CSMD1: variants seen among roughly 807,000 people sequenced by gnomAD.
CSMD1 encodes CUB and sushi domain-containing protein 1.
In CSMD1, 213 loss-of-function variants were observed where a neutral mutation model predicts 417.5. That is an observed-to-expected ratio of 0.51 (90% CI 0.46 to 0.57). The LOEUF (loss-of-function observed/expected upper bound fraction) is 0.57, where lower values mean the gene tolerates loss of function less well. Ranked by LOEUF, CSMD1 falls within the 20% of genes least tolerant of loss-of-function variation. CSMD1 has a pLI of 0.00. For synonymous variants in CSMD1, 2,862 were observed against 1,736.8 expected, an observed-to-expected ratio of 1.65 and a Z score of -16.11; for missense variants, 6,923 against 4,529.7, an observed-to-expected ratio of 1.53 and a Z score of -15.17.
chr8:4,885,797 G>C (rs937936703), intron 1 of CSMD1, among the ~76,000 whole-genome samples: 4 of 151,654 alleles, frequency 2.6e-5, no homozygotes, highest in Admixed American at 6.6e-5. Flanking sequence ...GCAAAGTTTT[G>C]AGTTCTGAGG....
chr8:3,657,777 T>G (rs990783725), intron 7 of CSMD1, among the ~76,000 whole-genome samples: 6 of 152,228 alleles, frequency 3.9e-5, no homozygotes, highest in Non-Finnish European at 7.4e-5. Flanking sequence ...CAAACCACCA[T>G]GGCACGTGTA....
intron 26 of CSMD1, among the ~76,000 whole-genome samples, chr8:3,275,631 T>C (rs1563214354): frequency 1.3e-5 from 2 of 152,184 alleles, no homozygotes; most frequent in Non-Finnish European, 2.9e-5. Context: ...CTCGTTTCTT[T>C]TTATTCTTTT....
intron 1 of CSMD1, among the ~76,000 whole-genome samples, chr8:4,823,863 G>C (rs1799657764): frequency 1.3e-5 from 2 of 152,004 alleles, no homozygotes; most frequent in East Asian, 1.9e-4. Flanking sequence ...GAGAATAAAA[G>C]GAAGGCTTAA....
intron 23 of CSMD1, among the ~76,000 whole-genome samples, chr8:3,316,515 G>A (rs949361474): frequency 7.7e-6 from 1 of 130,198 alleles, no homozygotes; most frequent in Admixed American, 8.1e-5. Context: ...GGTAGCTGGA[G>A]GGGTTCAGTG....
At chr8:3,529,900 G>A (rs904643015) in intron 10 of CSMD1, among the ~76,000 whole-genome samples, 1 of 152,184 alleles carries the variant, frequency 6.6e-6, no homozygotes, top group Non-Finnish European at 1.5e-5. Flanking sequence ...CTTATGGAAA[G>A]CCGAGGCCTT....
intron 2 of CSMD1, among the ~76,000 whole-genome samples, chr8:4,559,605 A>G (rs552918375): frequency 2.0e-5 from 3 of 152,334 alleles, no homozygotes; most frequent in Admixed American, 2.0e-4. Flanking sequence ...AATGTTGTAT[A>G]AAATTATAAC....
At position 4,167,897 on chromosome 8, in the gene CSMD1, G is replaced by T. The variant is rs1453159562; in HGVS notation, c.416-135798C>A. 2.6e-5 allele frequency among the ~76,000 whole-genome samples: 4 copies of T among 152,064 alleles called. No homozygotes were observed. The East Asian group carries it at 7.8e-4, about 29-fold the overall frequency. Reference sequence around the variant, plus strand: ...AATCTCAGCACTTTGGGAGGCTGAGGCAGGCGGACTGCCTGAGGTCAGGAG... The same window carrying T: ...AATCTCAGCACTTTGGGAGGCTGAGTCAGGCGGACTGCCTGAGGTCAGGAG... On this transcript the variant is annotated intron_variant, in intron 3 of 69. Coordinates refer to ENST00000635120, the MANE Select transcript of CSMD1 (RefSeq NM_033225.6).
chr8:3,937,552 C>T (rs1250865083), intron 5 of CSMD1, among the ~76,000 whole-genome samples: 1 of 152,004 alleles, frequency 6.6e-6, no homozygotes, highest in Non-Finnish European at 1.5e-5. Context: ...TACTATTGCA[C>T]ACTCAACAGA....
At chr8:3,448,302 GGGAAGGAA>G (rs137876596) in intron 12 of CSMD1, among the ~76,000 whole-genome samples, 1 of 45,694 alleles carries the variant, frequency 2.2e-5, no homozygotes, top group Non-Finnish European at 5.4e-5. Flanking sequence ...TGAAACTGGT[GGGAAGGAA>G]GGAAGGAAGG....
intron 1 of CSMD1, among the ~76,000 whole-genome samples, chr8:4,897,735 C>A (rs1395008012): frequency 6.6e-6 from 1 of 152,006 alleles, no homozygotes; most frequent in East Asian, 1.9e-4. Context: ...AGAATAAATT[C>A]TACTCATCAA....
chr8:3,249,659 G>T (rs919757336), intron 26 of CSMD1, among the ~76,000 whole-genome samples: 10 of 152,154 alleles, frequency 6.6e-5, no homozygotes, highest in African/African-American at 2.4e-4. Flanking sequence ...AAACATTGAT[G>T]TATTAACTTC....
intron 1 of CSMD1, among the ~76,000 whole-genome samples, chr8:4,940,465 G>A (rs2117233053): frequency 6.6e-6 from 1 of 152,308 alleles, no homozygotes; most frequent in East Asian, 1.9e-4. Flanking sequence ...CAAGAGTTGG[G>A]AAGGGCATGG....
chr8:3,633,188 T>G (rs946413964), intron 7 of CSMD1, among the ~76,000 whole-genome samples: 3 of 152,224 alleles, frequency 2.0e-5, no homozygotes, highest in Non-Finnish European at 2.9e-5. Context: ...GAACACACCT[T>G]TTCTCACAGA....
intron 3 of CSMD1, among the ~76,000 whole-genome samples, chr8:4,200,698 A>G (rs1009873026): frequency 3.3e-5 from 5 of 152,128 alleles, no homozygotes; most frequent in African/African-American, 4.8e-5. Context: ...TCTACAAAAC[A>G]TAACAATTAA....
At chr8:3,167,980 C>T (rs1487182743) in intron 37 of CSMD1, among the ~76,000 whole-genome samples, 1 of 151,388 alleles carries the variant, frequency 6.6e-6, no homozygotes. Flanking sequence ...ATATTATGAA[C>T]TGAAATGACC....
Position 4,117,001 on chromosome 8 carries a change from G to A in CSMD1, c.416-84902C>T, listed in dbSNP as rs911926853. 5.3e-5 allele frequency among the ~76,000 whole-genome samples: 8 copies of A among 151,922 alleles called. 1 individual carries two copies. Among genetic ancestry groups the A allele is most frequent in the African/African-American group, 1.9e-4 (8 of 41,382 alleles). On this transcript the variant is annotated intron_variant, in intron 3 of 69. Coordinates refer to ENST00000635120, the MANE Select transcript of CSMD1 (RefSeq NM_033225.6). ...ACCTAGTGACTATCTTCAGTAAGATGGCCTGACGCTTAACCTTTTTTTTTC... is the reference window on the plus strand; with the variant it reads ...ACCTAGTGACTATCTTCAGTAAGATAGCCTGACGCTTAACCTTTTTTTTTC...
At chr8:3,285,685 C>T (rs1298022085) in intron 25 of CSMD1, among the ~76,000 whole-genome samples, 1 of 152,048 alleles carries the variant, frequency 6.6e-6, no homozygotes, top group Non-Finnish European at 1.5e-5. Flanking sequence ...AGGCATGAGC[C>T]ACCACGCCCA....
chr8:3,608,755 C>T (rs1401053445), intron 8 of CSMD1, among the ~76,000 whole-genome samples: 1 of 104,348 alleles, frequency 9.6e-6, no homozygotes, highest in Non-Finnish European at 2.0e-5. Context: ...CAGAGTGAGA[C>T]TCTGTCTCAA....
rs551865639 is a variant in CSMD1 at position 4,321,814 on chromosome 8, C to T, written c.415+98139G>A. On this transcript the variant is annotated intron_variant, in intron 3 of 69. Transcript: ENST00000635120. ...TCTAAATTTACAAAGTACTAAATATCTTTTTTGGTAGTGTAGTTACACTAC... is the reference window on the plus strand; with the variant it reads ...TCTAAATTTACAAAGTACTAAATATTTTTTTTGGTAGTGTAGTTACACTAC... 1.7e-3 allele frequency among the ~76,000 whole-genome samples: 259 copies of T among 152,082 alleles called. 1 individual carries two copies. Among genetic ancestry groups the T allele is most frequent in the South Asian group, 4.6e-3 (22 of 4,810 alleles).
Sources: gnomAD v4.1 joint callset for allele counts (sites outside exome capture counted in the v4.1 genomes callset) on GRCh38, gnomAD v4.1.1 for gene constraint, MANE v1.5 for transcripts, NCBI Gene and HGNC (gene_info 2026-07-23, HGNC 2026-07-21) for gene names.